Variants in FSTL4 observed in about 807,000 individuals in gnomAD.
FSTL4 encodes follistatin-related protein 4.
FSTL4 carries 28 observed loss-of-function variants against 78.2 expected under a neutral mutation model. The ratio of observed to expected loss-of-function variants is 0.36; its 90% CI spans 0.27 to 0.49. The LOEUF (loss-of-function observed/expected upper bound fraction) is 0.49, where lower values mean the gene tolerates loss of function less well. FSTL4 is among the 20% of genes least tolerant of loss of function. The pLI, the probability that FSTL4 is intolerant of heterozygous loss-of-function variation, is 0.98. For synonymous variants in FSTL4, 422 were observed against 440.5 expected, an observed-to-expected ratio of 0.96 and a Z score of 0.53; for missense variants, 922 against 1,084.9, an observed-to-expected ratio of 0.85 and a Z score of 2.11.
chr5:133,836,344 C>T, the FSTL4 span, among the ~76,000 whole-genome samples: 8 of 151,970 alleles, frequency 5.3e-5, no homozygotes, highest in Admixed American at 5.2e-4. Flanking sequence ...TAGTGCATAC[C>T]CTATATTGAG....
chr5:133,570,069 C>T (rs1366983424), intron 2 of FSTL4, among the ~76,000 whole-genome samples: 3 of 151,466 alleles, frequency 2.0e-5, no homozygotes, highest in African/African-American at 4.8e-5. Context: ...ATTAGCCGGG[C>T]GTGGTGGTGG....
chr5:133,697,902 CA>C, the FSTL4 span, among the ~76,000 whole-genome samples: 2 of 133,526 alleles, frequency 1.5e-5, no homozygotes, highest in African/African-American at 3.2e-5. Flanking sequence ...TCCCTGTCAC[CA>C]GGGGAAGTAC....
At chr5:133,743,986 G>A in the FSTL4 span, among the ~76,000 whole-genome samples, 8 of 152,212 alleles carry the variant, frequency 5.3e-5, no homozygotes, top group Non-Finnish European at 8.8e-5. Context: ...AGAAGCCCAC[G>A]GCCCTAGGAG....
chr5:133,791,423 T>A, the FSTL4 span, among the ~76,000 whole-genome samples: 2 of 152,190 alleles, frequency 1.3e-5, no homozygotes. Context: ...TTCCCCTTGG[T>A]AGAAACTAAA....
chr5:133,533,846 C>G (rs2112911570), intron 3 of FSTL4, among the ~76,000 whole-genome samples: 1 of 152,250 alleles, frequency 6.6e-6, no homozygotes, highest in Non-Finnish European at 1.5e-5. Context: ...ATCACCCTTT[C>G]CTGCCCCAAC....
intron 4 of FSTL4, among the ~76,000 whole-genome samples, chr5:133,383,339 T>C (rs540220751): frequency 6.6e-6 from 1 of 152,262 alleles, no homozygotes; most frequent in Non-Finnish European, 1.5e-5. Context: ...TGCGCAGCTG[T>C]GCTTTTTGGC....
At chr5:133,529,092 G>A (rs1759197479) in intron 3 of FSTL4, among the ~76,000 whole-genome samples, 1 of 152,154 alleles carries the variant, frequency 6.6e-6, no homozygotes. Flanking sequence ...ATCCACGAAT[G>A]GCCATGTGGA....
At chr5:133,400,582 A>T (rs1257625143) in intron 4 of FSTL4, among the ~76,000 whole-genome samples, 156 bp downstream of exon 4, 1 of 152,194 alleles carries the variant, frequency 6.6e-6, no homozygotes, top group African/African-American at 2.4e-5. Flanking sequence ...ATGCATCACC[A>T]AAATGCCACT....
chr5:133,643,959 G>A, the FSTL4 span, among the ~76,000 whole-genome samples: 1 of 152,166 alleles, frequency 6.6e-6, no homozygotes, highest in African/African-American at 2.4e-5. Context: ...GTGCTTTGAG[G>A]GAGGCCATTT....
the FSTL4 span, among the ~76,000 whole-genome samples, chr5:133,797,134 G>C: frequency 3.9e-5 from 6 of 152,210 alleles, no homozygotes; most frequent in Non-Finnish European, 8.8e-5. Context: ...CTGACAAAGG[G>C]CACCCCAGGC....
At chr5:133,738,078 A>G in the FSTL4 span, among the ~76,000 whole-genome samples, 3 of 152,256 alleles carry the variant, frequency 2.0e-5, no homozygotes, top group East Asian at 3.9e-4. Flanking sequence ...TCAATTAAGT[A>G]GAAACATTCC....
chr5:133,475,393 G>A (rs1401102493), intron 3 of FSTL4, among the ~76,000 whole-genome samples: 1 of 152,202 alleles, frequency 6.6e-6, no homozygotes, highest in East Asian at 1.9e-4. Context: ...AGGCCAGGAG[G>A]GTTTTCCAGG....
chr5:133,524,102 G>C (rs967164635), intron 3 of FSTL4, among the ~76,000 whole-genome samples: 2 of 152,210 alleles, frequency 1.3e-5, no homozygotes, highest in African/African-American at 4.8e-5. Context: ...GGACAGCACA[G>C]CATGTGCACA....
At chr5:133,566,672 G>T (rs1760033873) in intron 3 of FSTL4, among the ~76,000 whole-genome samples, 1 of 152,172 alleles carries the variant, frequency 6.6e-6, no homozygotes, top group Non-Finnish European at 1.5e-5. Flanking sequence ...ATGTGCTACA[G>T]GAACTCTGGC....
Position 133,214,186 on chromosome 5 carries a change from CACAT to C in FSTL4, c.1608+3039_1608+3042del, listed in dbSNP as rs1264670188. Among the ~76,000 whole-genome samples the C allele has an allele frequency of 2.0e-5, 3 of 152,166 alleles. No homozygotes were observed. The East Asian group carries it at 5.8e-4, about 29-fold the overall frequency. On this transcript the variant is annotated intron_variant, in intron 13 of 15. Transcript: ENST00000265342. ...CAATGAACCAAGTAGACATAATTGA[CACAT>C]ATATAGAATACAGTATCTAACATCA... is the stretch of plus-strand genomic sequence containing the variant.
the FSTL4 span, among the ~76,000 whole-genome samples, chr5:133,644,751 T>TCTACCTGGGTCTGTGCTTTAAGAGG: frequency 6.6e-6 from 1 of 152,276 alleles, no homozygotes; most frequent in African/African-American, 2.4e-5. Flanking sequence ...TACCCTGCCC[T>TCTACCTGGGTCTGTGCTTTAAGAGG]CTACCTGGGT....
At chr5:133,595,542 A>T (rs1230876542) in intron 2 of FSTL4, among the ~76,000 whole-genome samples, 1 of 152,082 alleles carries the variant, frequency 6.6e-6, no homozygotes, top group Non-Finnish European at 1.5e-5. Context: ...GGACCCTCCC[A>T]CTCTGAGGGC....
chr5:133,310,412 C>G (rs1014869426), intron 6 of FSTL4, among the ~76,000 whole-genome samples: 1 of 152,224 alleles, frequency 6.6e-6, no homozygotes, highest in Non-Finnish European at 1.5e-5. Context: ...TGACGTCCTT[C>G]CCTTTCCAGG....
the FSTL4 span, among the ~76,000 whole-genome samples, chr5:133,800,229 G>T: frequency 6.5e-5 from 9 of 138,492 alleles, 1 homozygote; most frequent in East Asian, 1.6e-3. Flanking sequence ...TCAAAGCAAG[G>T]GCAAAGAGAT....
Sources: allele counts gnomAD v4.1 joint callset (sites outside exome capture counted in the v4.1 genomes callset), GRCh38; gene constraint gnomAD v4.1.1; transcripts MANE v1.5; gene names NCBI Gene and HGNC (gene_info 2026-07-23, HGNC 2026-07-21).